Variants in ZNF385D observed in about 807,000 individuals in gnomAD.
ZNF385D encodes zinc finger protein 659.
ZNF385D carries 15 observed loss-of-function variants against 35.8 expected under a neutral mutation model. That is an observed-to-expected ratio of 0.42 (90% CI 0.28 to 0.64). The LOEUF is 0.64. Among genes scored for constraint, ZNF385D ranks in the 30% least tolerant of loss-of-function variants. ZNF385D has a pLI of 0.23. For missense variants in ZNF385D, 474 were observed against 494.6 expected (o/e 0.96, Z 0.39); for synonymous variants, 212 against 186.8 (o/e 1.13, Z -1.10).
At chr3:22,016,685 T>A (rs1696907128) in intron 3 of ZNF385D, among the ~76,000 whole-genome samples, 1 of 151,738 alleles carries the variant, frequency 6.6e-6, no homozygotes, top group Non-Finnish European at 1.5e-5. Flanking sequence ...CTGAGGAGAG[T>A]AGCCCCGGAG....
chr3:21,603,083 T>A (rs2064363898), intron 2 of ZNF385D, among the ~76,000 whole-genome samples: 1 of 152,174 alleles, frequency 6.6e-6, no homozygotes, highest in South Asian at 2.1e-4. Flanking sequence ...TTAAATTTCA[T>A]CAAGTTTATT....
chr3:21,765,045 G>A (rs1325365275), intron 3 of ZNF385D, among the ~76,000 whole-genome samples: 1 of 152,060 alleles, frequency 6.6e-6, no homozygotes, highest in African/African-American at 2.4e-5. Flanking sequence ...TATCTGCAGT[G>A]GCCAGAAATG....
intron 2 of ZNF385D, among the ~76,000 whole-genome samples, chr3:22,225,696 A>T (rs1281182456): frequency 1.3e-5 from 2 of 152,118 alleles, no homozygotes; most frequent in Non-Finnish European, 2.9e-5. Flanking sequence ...TAGTTTCTGG[A>T]TTCAACAACC....
intron 2 of ZNF385D, among the ~76,000 whole-genome samples, chr3:22,306,710 CAG>C (rs1703242720): frequency 6.6e-6 from 1 of 151,976 alleles, no homozygotes; most frequent in Non-Finnish European, 1.5e-5. Flanking sequence ...TGAGAATTGT[CAG>C]AGAGTTGGAG....
chr3:22,095,268 A>G (rs1372662966), intron 3 of ZNF385D, among the ~76,000 whole-genome samples: 1 of 151,520 alleles, frequency 6.6e-6, no homozygotes, highest in African/African-American at 2.4e-5. Flanking sequence ...CTCAGTATAA[A>G]TCGTTTTATA....
At chr3:21,661,963 T>G (rs539608191) in intron 2 of ZNF385D, among the ~76,000 whole-genome samples, 2 of 152,202 alleles carry the variant, frequency 1.3e-5, no homozygotes, top group Admixed American at 1.3e-4. Flanking sequence ...GTATACATTT[T>G]AAAATTTTTC....
chr3:21,825,886 C>T (rs1694582360), intron 3 of ZNF385D, among the ~76,000 whole-genome samples: 1 of 152,182 alleles, frequency 6.6e-6, no homozygotes, highest in Non-Finnish European at 1.5e-5. Flanking sequence ...ACGGCCTGAG[C>T]TCCGCTCCTT....
intron 3 of ZNF385D, among the ~76,000 whole-genome samples, chr3:21,855,630 T>C (rs975047536): frequency 3.3e-5 from 5 of 152,050 alleles, no homozygotes; most frequent in African/African-American, 7.2e-5. Flanking sequence ...TATACCAATA[T>C]AGACCTGGAG....
chr3:22,272,002 C>G (rs1380342556), intron 2 of ZNF385D, among the ~76,000 whole-genome samples: 1 of 151,900 alleles, frequency 6.6e-6, no homozygotes, highest in East Asian at 1.9e-4. Flanking sequence ...GTTAAACAAC[C>G]AATACTTTAC....
chr3:22,237,053 C>G (rs894789733), intron 2 of ZNF385D, among the ~76,000 whole-genome samples: 2 of 152,166 alleles, frequency 1.3e-5, no homozygotes, highest in Non-Finnish European at 2.9e-5. Flanking sequence ...CCTAGAACTG[C>G]TGAGTCATAT....
chr3:22,313,207 C>G (rs1391075806), intron 2 of ZNF385D, among the ~76,000 whole-genome samples: 2 of 144,698 alleles, frequency 1.4e-5, no homozygotes, highest in Non-Finnish European at 3.0e-5. Flanking sequence ...AATGAGAACA[C>G]ATGGACACGG....
chr3:22,215,571 T>G (rs561730450), intron 2 of ZNF385D, among the ~76,000 whole-genome samples: 2 of 152,182 alleles, frequency 1.3e-5, no homozygotes, highest in East Asian at 3.9e-4. Flanking sequence ...TCAGACTGGT[T>G]GTCTGCTCTC....
intron 3 of ZNF385D, among the ~76,000 whole-genome samples, chr3:21,859,271 C>CA (rs1185216178): frequency 1.3e-5 from 2 of 151,932 alleles, no homozygotes; most frequent in Admixed American, 1.3e-4. Context: ...ACCCTGCCCG[C>CA]AGATTCACTT....
At chr3:21,642,296 G>T (rs567072759) in intron 2 of ZNF385D, among the ~76,000 whole-genome samples, 1 of 152,118 alleles carries the variant, frequency 6.6e-6, no homozygotes, top group Non-Finnish European at 1.5e-5. Flanking sequence ...AGCAGAGAAA[G>T]CCCTTCTCTT....
chr3:22,106,065 C>T (rs1258533944), intron 3 of ZNF385D, among the ~76,000 whole-genome samples: 2 of 151,862 alleles, frequency 1.3e-5, no homozygotes, highest in East Asian at 3.9e-4. Flanking sequence ...GATAAATCAC[C>T]CCTAGGACTC....
At chr3:21,934,352 C>A (rs1701161099) in intron 3 of ZNF385D, among the ~76,000 whole-genome samples, 1 of 152,138 alleles carries the variant, frequency 6.6e-6, no homozygotes. Flanking sequence ...TATGTAAACA[C>A]TCCAAATAAA....
At chr3:22,143,059 T>TTGTGTGTGTGTGTGTGTGTGTG (rs57448532) in intron 3 of ZNF385D, among the ~76,000 whole-genome samples, 4 of 140,994 alleles carry the variant, frequency 2.8e-5, no homozygotes, top group African/African-American at 1.1e-4. Context: ...ATTAAATCGG[T>TTGTGTGTGTGTGTGTGTGTGTG]TGTGTGTGTG....
At chr3:21,964,650 C>T (rs905224489) in intron 3 of ZNF385D, among the ~76,000 whole-genome samples, 11 of 151,674 alleles carry the variant, frequency 7.3e-5, no homozygotes, top group African/African-American at 2.7e-4. Context: ...CCACCATGCC[C>T]TGCTAATTTT....
intron 3 of ZNF385D, among the ~76,000 whole-genome samples, chr3:21,994,448 ATTAT>A (rs1695339947): frequency 6.6e-6 from 1 of 152,094 alleles, no homozygotes; most frequent in Non-Finnish European, 1.5e-5. Flanking sequence ...GTTTTCCTGA[ATTAT>A]TTATGTTGTT....
Sources: gnomAD v4.1 joint callset for allele counts (sites outside exome capture counted in the v4.1 genomes callset) on GRCh38, gnomAD v4.1.1 for gene constraint, MANE v1.5 for transcripts, NCBI Gene and HGNC (gene_info 2026-07-23, HGNC 2026-07-21) for gene names.